The following DPYD variants were observed in gnomAD, a reference collection of about 807,000 sequenced individuals.
DPYD encodes dihydropyrimidine dehydrogenase, also known as dihydropyrimidine dehydrogenase [NADP(+)].
Under a neutral mutation model 116.2 loss-of-function variants are expected in DPYD, and 109 were observed. The ratio of observed to expected loss-of-function variants is 0.94; its 90% CI spans 0.80 to 1.10. The LOEUF (loss-of-function observed/expected upper bound fraction) is 1.10, where lower values mean the gene tolerates loss of function less well. Ranked by LOEUF, DPYD falls within the 50% of genes least tolerant of loss-of-function variation. DPYD has a pLI of 0.00. For missense variants in DPYD, 1,302 were observed against 1,254.5 expected (o/e 1.04, Z -0.57); for synonymous variants, 440 against 432.0 (o/e 1.02, Z -0.23).
At chr1:97,188,859 G>C (rs866788586) in intron 20 of DPYD, among the ~76,000 whole-genome samples, 2 of 152,100 alleles carry the variant, frequency 1.3e-5, no homozygotes, top group Non-Finnish European at 2.9e-5. Flanking sequence ...AGGCATAAAG[G>C]TTGCTCACCT....
chr1:97,574,034 T>A, intron 10 of DPYD, 64 bp from the exon 11 acceptor site: 1 of 1,583,472 alleles, frequency 6.3e-7, no homozygotes, highest in East Asian at 2.3e-5. Context: ...GTATTTGATT[T>A]CTAATTGAAT....
intron 19 of DPYD, among the ~76,000 whole-genome samples, chr1:97,225,747 T>C (rs113083193): frequency 6.6e-6 from 1 of 152,090 alleles, no homozygotes; most frequent in Admixed American, 6.5e-5. Context: ...TATTTTTCTT[T>C]TGTTGCATGT....
At chr1:97,400,384 C>T (rs999956014) in intron 14 of DPYD, among the ~76,000 whole-genome samples, 2 of 152,176 alleles carry the variant, frequency 1.3e-5, no homozygotes, top group Non-Finnish European at 1.5e-5. Context: ...CATCGATGTT[C>T]ATCACGGATA....
At chr1:97,318,668 T>C (rs993933639) in intron 16 of DPYD, among the ~76,000 whole-genome samples, 3 of 151,342 alleles carry the variant, frequency 2.0e-5, no homozygotes, top group African/African-American at 7.3e-5. Flanking sequence ...ATTAGACAGA[T>C]CAACGAGACA....
intron 11 of DPYD, among the ~76,000 whole-genome samples, chr1:97,550,813 A>C (rs1039727827): frequency 6.6e-6 from 1 of 152,216 alleles, no homozygotes; most frequent in African/African-American, 2.4e-5. Context: ...ATCAAGTATA[A>C]CACAAAATAG....
chr1:97,230,939 A>C (rs1661552592), intron 19 of DPYD, among the ~76,000 whole-genome samples: 1 of 152,194 alleles, frequency 6.6e-6, no homozygotes, highest in Admixed American at 6.5e-5. Flanking sequence ...AATAGGCTTC[A>C]TGTGCATAGT....
At chr1:97,590,693 C>G (rs1571017482) in intron 10 of DPYD, among the ~76,000 whole-genome samples, 1 of 152,302 alleles carries the variant, frequency 6.6e-6, no homozygotes, top group East Asian at 1.9e-4. Context: ...TGTTGCTTCT[C>G]AACACTTTGG....
intron 19 of DPYD, among the ~76,000 whole-genome samples, chr1:97,194,212 C>T (rs1321722379): frequency 6.6e-6 from 1 of 152,130 alleles, no homozygotes; most frequent in Non-Finnish European, 1.5e-5. Context: ...TTCCCATAAT[C>T]CCCACGTGCA....
intron 1 of DPYD, among the ~76,000 whole-genome samples, chr1:97,916,816 C>T (rs890196025): frequency 6.6e-6 from 1 of 152,076 alleles, no homozygotes; most frequent in African/African-American, 2.4e-5. Flanking sequence ...AAGGCCAGCC[C>T]GGGCAATATA....
Position 97,920,879 on chromosome 1 carries a change from C to T in DPYD, c.39+5G>A, listed in dbSNP as rs1355714241. ...ACCACCGACGAGCCGGCGCGAAGTC[C>T]GTACCTCGATGTCCGCCGAGTCCTT... On this transcript the variant is annotated splice_donor_5th_base_variant and intron_variant, in intron 1 of 22. Transcript: ENST00000370192. 6.3e-7 allele frequency: 1 copy of T among 1,592,262 alleles called. No individual in the cohort carries two copies. Among genetic ancestry groups the T allele is most frequent in the East Asian group, 2.3e-5 (1 of 42,940 alleles).
At chr1:97,261,615 A>C (rs1370277065) in intron 18 of DPYD, among the ~76,000 whole-genome samples, 1 of 151,292 alleles carries the variant, frequency 6.6e-6, no homozygotes, top group Admixed American at 6.6e-5. Context: ...AAATAGTTTG[A>C]GATGGCAGTT....
rs943914495 is a variant in DPYD at position 97,191,622 on chromosome 1, T to G, written c.2622+1447A>C. On this transcript the variant is annotated intron_variant, in intron 20 of 22. Coordinates refer to ENST00000370192, the MANE Select transcript of DPYD (RefSeq NM_000110.4). ...ATCTTTTATTTGAATATGTAAGTTT[T>G]GAAACGAGTGTGAAAATCCTTTAAA... Among the ~76,000 whole-genome samples, 15 of 152,274 alleles carry G rather than the reference T, an allele frequency of 9.9e-5. No individual in the cohort carries two copies. In the East Asian group the frequency reaches 2.9e-3, roughly 29 times the overall value.
At chr1:97,524,492 G>T (rs1002941829) in intron 12 of DPYD, among the ~76,000 whole-genome samples, 8 of 152,142 alleles carry the variant, frequency 5.3e-5, no homozygotes, top group Non-Finnish European at 1.0e-4. Context: ...GTAAAGTGTA[G>T]AACAACGAAC....
intron 18 of DPYD, among the ~76,000 whole-genome samples, chr1:97,249,704 G>A (rs1195345576): frequency 6.6e-6 from 1 of 151,802 alleles, no homozygotes; most frequent in African/African-American, 2.4e-5. Flanking sequence ...ATTTTAAAAC[G>A]AACTCATATG....
intron 18 of DPYD, among the ~76,000 whole-genome samples, chr1:97,271,504 G>A (rs1444825357): frequency 6.6e-6 from 1 of 152,044 alleles, no homozygotes; most frequent in Non-Finnish European, 1.5e-5. Flanking sequence ...TCTTAGAAGA[G>A]GTAATGTGTA....
chr1:97,402,957 A>G (rs2101641223), intron 14 of DPYD, among the ~76,000 whole-genome samples: 1 of 152,180 alleles, frequency 6.6e-6, no homozygotes, highest in Non-Finnish European at 1.5e-5. Context: ...GTCTGAGATA[A>G]ATCCCACTTC....
chr1:97,478,835 C>T (rs941271826), intron 13 of DPYD, among the ~76,000 whole-genome samples: 3 of 152,150 alleles, frequency 2.0e-5, no homozygotes, highest in Non-Finnish European at 2.9e-5. Context: ...TTAGCTGGAT[C>T]GGGATAGCTC....
intron 18 of DPYD, among the ~76,000 whole-genome samples, chr1:97,288,999 G>A (rs1302555248): frequency 6.6e-6 from 1 of 152,090 alleles, no homozygotes; most frequent in African/African-American, 2.4e-5. Context: ...AAATGATAAA[G>A]GGGACATCAC....
At chr1:97,834,492 C>T in intron 2 of DPYD, among the ~76,000 whole-genome samples, 1 of 151,570 alleles carries the variant, frequency 6.6e-6, no homozygotes, top group Non-Finnish European at 1.5e-5. Flanking sequence ...TGGTTGAAAA[C>T]CTGCAGGATA....
Sources: gnomAD v4.1 joint callset for allele counts (sites outside exome capture counted in the v4.1 genomes callset) on GRCh38, gnomAD v4.1.1 for gene constraint, MANE v1.5 for transcripts, NCBI Gene and HGNC (gene_info 2026-07-23, HGNC 2026-07-21) for gene names.